The following MGST1 variants were observed in gnomAD, a reference collection of about 807,000 sequenced individuals.
The protein encoded by MGST1 is microsomal glutathione S-transferase 1, also known as glutathione S-transferase 12.
In MGST1, 5 loss-of-function variants were observed where a neutral mutation model predicts 8.9. The ratio of observed to expected loss-of-function variants is 0.56; its 90% confidence interval spans 0.29 to 1.19. MGST1 has a LOEUF of 1.19. Among genes scored for constraint, MGST1 ranks in the 50% most tolerant of loss-of-function variants. The pLI, the probability that MGST1 is intolerant of heterozygous loss-of-function variation, is 0.08. For synonymous variants in MGST1, 54 were observed against 67.8 expected (o/e 0.80, Z 1.00); for missense variants, 182 against 187.4 (o/e 0.97, Z 0.17).
chr12:16,566,010 AT>A (rs1423143112), intron 4 of MGST1, among the ~76,000 whole-genome samples: 20 of 73,548 alleles, frequency 2.7e-4, no homozygotes, highest in Non-Finnish European at 3.6e-4. Context: ...ATATATATAT[AT>A]ATATATATAT....
intron 1 of MGST1, chr12:16,400,246 A>G (rs752086576): frequency 3.2e-5 from 27 of 845,444 alleles, no homozygotes; most frequent in Non-Finnish European, 5.0e-5. Flanking sequence ...CCCAAACATG[A>G]TGGCATTCTT....
chr12:16,378,330 G>A (rs1175458984), downstream of MGST1, among the ~76,000 whole-genome samples: 2 of 151,274 alleles, frequency 1.3e-5, no homozygotes, highest in South Asian at 2.1e-4. Flanking sequence ...TGTATAAGGT[G>A]TAAGGAAGGG....
chr12:16,509,455 C>G (rs1043735374), intron 4 of MGST1, among the ~76,000 whole-genome samples: 1 of 152,158 alleles, frequency 6.6e-6, no homozygotes, highest in South Asian at 2.1e-4. Context: ...CATTCAGCTA[C>G]AAGAAGAGTT....
In MGST1 at chr12:16,548,356, A is replaced by T. The variant is rs1240057136; in HGVS notation, n.483-41172A>T. ...CTAGAGATCATCTTAAATTTTGCCA[A>T]TTAAGTGCAATCAAATAGTGTAACA... On this transcript the variant is annotated intron_variant and non_coding_transcript_variant, in intron 4 of 4. Coordinates refer to the MGST1 transcript ENST00000538857. The surrounding 1 kb of genome is among the most constrained non-coding windows in gnomAD (Gnocchi z 4.2). 1 of 152,070 alleles carries T rather than the reference A, an allele frequency of 6.6e-6. No homozygotes were observed. Among genetic ancestry groups the T allele is most frequent in the East Asian group, 1.9e-4 (1 of 5,186 alleles). 9.4% of individuals were successfully genotyped at this position (152,070 alleles called of 1,614,324 possible). A position where few individuals can be genotyped will look rare whatever the true frequency, so the allele number is the denominator to read the frequency against.
chr12:16,575,154 G>A (rs767376898), intron 4 of MGST1, among the ~76,000 whole-genome samples: 4 of 152,090 alleles, frequency 2.6e-5, no homozygotes, highest in Non-Finnish European at 5.9e-5. Flanking sequence ...ACATTATGAT[G>A]TCCGTCATGT....
In MGST1 at chr12:16,363,973, T is replaced by C. The variant is rs1409095727; in HGVS notation, c.400T>C (p.Phe134Leu). 3.7e-6 allele frequency: 6 copies of C among 1,613,924 alleles called. No individual in the cohort carries two copies. In the East Asian group the frequency reaches 1.1e-4, roughly 30 times the overall value. The part of the protein sequence containing the change: ...PLPQPNRALS[F>L]FVGYGVTLSM... The stretch of plus-strand genomic sequence containing the variant: ...TCCCCAGCCAAATAGAGCTTTGAGT[T>C]TTTTTGTTGGATATGGAGTTACTCT... Residue 134 changes from phenylalanine (F) to leucine (L), a missense_variant, in exon 4 of 4, where the codon TTT becomes CTT. Coordinates refer to ENST00000396210, the MANE Select transcript of MGST1 (RefSeq NM_020300.5). The surrounding 1 kb of genome is among the most constrained non-coding windows in gnomAD (Gnocchi z 4.6).
At chr12:16,402,962 TTTA>T (rs1190764011) in intron 1 of MGST1, among the ~76,000 whole-genome samples, 5 of 144,018 alleles carry the variant, frequency 3.5e-5, no homozygotes, top group South Asian at 2.2e-4. Context: ...TCTCTATATA[TTTA>T]TTATTATTAA....
intron 4 of MGST1, among the ~76,000 whole-genome samples, chr12:16,539,195 A>G (rs1043184393): frequency 3.3e-5 from 5 of 151,976 alleles, no homozygotes; most frequent in African/African-American, 1.2e-4. Context: ...ATAATCTATC[A>G]CTCTGAACTC....
intron 1 of MGST1, among the ~76,000 whole-genome samples, chr12:16,411,891 G>A (rs1174091829): frequency 6.6e-6 from 1 of 152,090 alleles, no homozygotes; most frequent in African/African-American, 2.4e-5. Context: ...TCATTACAGA[G>A]TTAGATAAGT....
In MGST1 at chr12:16,503,951, T is replaced by A. The variant is rs1026327495; in HGVS notation, n.483-85577T>A. 2.0e-5 allele frequency among the ~76,000 whole-genome samples: 3 copies of A among 152,218 alleles called. No individual in the cohort carries two copies. The highest frequency in any genetic ancestry group is 7.2e-5 in the African/African-American group (3 of 41,460). On this transcript the variant is annotated intron_variant and non_coding_transcript_variant, in intron 4 of 4. Coordinates refer to the MGST1 transcript ENST00000538857. The surrounding 1 kb of genome is among the most constrained non-coding windows in gnomAD (Gnocchi z 4.8). ...GCACAGTACCTCCGGTGCTGCTGTA[T>A]GCTGCTGCCCTATGCTGCTGCTTCG...
At chr12:16,568,012 T>A (rs928359500) in intron 4 of MGST1, among the ~76,000 whole-genome samples, 9 of 152,138 alleles carry the variant, frequency 5.9e-5, no homozygotes, top group Non-Finnish European at 1.2e-4. Flanking sequence ...AGAAAGAATA[T>A]TTAACTGTTT....
intron 4 of MGST1, among the ~76,000 whole-genome samples, chr12:16,495,881 C>T (rs948063705): frequency 3.3e-5 from 5 of 152,110 alleles, no homozygotes; most frequent in Admixed American, 2.6e-4. Context: ...TCACCATCTA[C>T]TTCAAGGTAA....
At chr12:16,536,633 A>G (rs1235439051) in intron 4 of MGST1, among the ~76,000 whole-genome samples, 1 of 152,210 alleles carries the variant, frequency 6.6e-6, no homozygotes, top group East Asian at 1.9e-4. Context: ...TTGGACTTAC[A>G]GTTCCATATG....
intron 4 of MGST1, among the ~76,000 whole-genome samples, chr12:16,449,024 A>G (rs1941106629): frequency 6.6e-6 from 1 of 152,008 alleles, no homozygotes; most frequent in Non-Finnish European, 1.5e-5. Context: ...TGAAACAGGA[A>G]GAATAATGAT....
chr12:16,473,704 C>T (rs1941302659), intron 4 of MGST1, among the ~76,000 whole-genome samples: 1 of 152,026 alleles, frequency 6.6e-6, no homozygotes, highest in African/African-American at 2.4e-5. Flanking sequence ...TAATGACTTG[C>T]AATGCTATTT....
intron 3 of MGST1, chr12:16,376,072 A>T (rs771645871): frequency 1.6e-6 from 2 of 1,235,912 alleles, no homozygotes; most frequent in South Asian, 3.0e-5. Flanking sequence ...ACGTGTGTGT[A>T]TATAGTCTTT....
intron 2 of MGST1, chr12:16,354,597 T>C: frequency 2.8e-6 from 1 of 353,512 alleles, no homozygotes; most frequent in Non-Finnish European, 5.0e-6. Context: ...TTATGGCTTT[T>C]ACCTTTTTAT....
intron 4 of MGST1, among the ~76,000 whole-genome samples, chr12:16,525,100 G>C (rs995875838): frequency 4.6e-5 from 7 of 151,692 alleles, no homozygotes; most frequent in Non-Finnish European, 8.8e-5. Flanking sequence ...GAATAAATTG[G>C]CCTTCTTTCC....
At chr12:16,561,766 G>T (rs1488493357) in intron 4 of MGST1, among the ~76,000 whole-genome samples, 1 of 152,130 alleles carries the variant, frequency 6.6e-6, no homozygotes, top group Admixed American at 6.5e-5. Flanking sequence ...TTGTGAGAAT[G>T]GTTTCTAAGT....
Sources: gnomAD v4.1 joint callset for allele counts (sites outside exome capture counted in the v4.1 genomes callset) on GRCh38, gnomAD v4.1.1 for gene constraint, Gnocchi (gnomAD v3.1) non-coding constraint, MANE v1.5 for transcripts, NCBI Gene and HGNC (gene_info 2026-07-23, HGNC 2026-07-21) for gene names.